The following PHEX variants were observed in gnomAD, a reference collection of about 807,000 sequenced individuals.
PHEX encodes phosphate-regulating neutral endopeptidase PHEX.
In PHEX, 16 loss-of-function variants were observed where a neutral mutation model predicts 68.0. That is an observed-to-expected ratio of 0.24 (90% CI 0.16 to 0.36). The LOEUF is 0.36. Ranked by LOEUF, PHEX falls within the 10% of genes least tolerant of loss-of-function variation. The probability of loss-of-function intolerance (pLI) is 1.00; values close to 1 mark genes in which losing one functional copy is unlikely to be tolerated. For synonymous variants in PHEX, 208 were observed against 205.1 expected, an observed-to-expected ratio of 1.01 and a Z score of -0.12; for missense variants, 480 against 575.5, an observed-to-expected ratio of 0.83 and a Z score of 1.70.
chrX:22,055,998 C>T (rs773221813), intron 3 of PHEX, among the ~76,000 whole-genome samples: 3 of 112,226 alleles, frequency 2.7e-5, no homozygotes, highest in Non-Finnish European at 3.8e-5. Context: ...CTGTCATTAG[C>T]GGTTTCTACT....
At chrX:22,193,248 TAAA>T (rs1277774185) in intron 15 of PHEX, among the ~76,000 whole-genome samples, 1 of 111,130 alleles carries the variant, frequency 9.0e-6, no homozygotes, top group African/African-American at 3.3e-5. Flanking sequence ...ATTATTCACT[TAAA>T]AACGTTTTAT....
rs1936445507 is a variant in PHEX at position 22,248,085 on chromosome X, AC to A, written c.*134del. 7.7e-6 allele frequency: 4 copies of A among 520,855 alleles called. No homozygotes were observed. The highest frequency in any genetic ancestry group is 1.4e-5 in the Non-Finnish European group (4 of 290,389). 42.9% of individuals were successfully genotyped at this position (520,855 alleles called of 1,213,427 possible). A position where few individuals can be genotyped will look rare whatever the true frequency, so the allele number is the denominator to read the frequency against. On this transcript the variant is annotated 3_prime_UTR_variant, in exon 22 of 22. Coordinates refer to ENST00000379374, the MANE Select transcript of PHEX (RefSeq NM_000444.6). ...TGCATTTTCATTATTTGGGTAGGTG[AC>A]CTGCTTGGATCTAGACAGCATCTGT...
intron 12 of PHEX, among the ~76,000 whole-genome samples, chrX:22,166,655 CCCTT>C (rs1933331103): frequency 9.0e-6 from 1 of 110,979 alleles, no homozygotes; most frequent in Non-Finnish European, 1.9e-5. Context: ...AAAATCTACT[CCCTT>C]AGCCATTTTC....
intron 1 of PHEX, among the ~76,000 whole-genome samples, chrX:22,036,931 A>T (rs1007743267): frequency 5.5e-5 from 6 of 108,237 alleles, no homozygotes; most frequent in Admixed American, 5.0e-4. Flanking sequence ...CCCCATCTCC[A>T]CTAAAAAATA....
chrX:22,240,946 A>T (rs1479358074), intron 20 of PHEX, among the ~76,000 whole-genome samples: 1 of 112,301 alleles, frequency 8.9e-6, no homozygotes, highest in African/African-American at 3.2e-5. Flanking sequence ...AGAACTGTCC[A>T]TCCCAAATCA....
intron 20 of PHEX, among the ~76,000 whole-genome samples, chrX:22,234,090 A>G (rs1422474177): frequency 8.9e-6 from 1 of 112,393 alleles, no homozygotes; most frequent in Non-Finnish European, 1.9e-5. Flanking sequence ...TGCACTCCAG[A>G]CTCTGTTTAC....
intron 3 of PHEX, among the ~76,000 whole-genome samples, chrX:22,075,285 CTTTTT>C (rs1164944990): frequency 1.6e-5 from 1 of 62,351 alleles, no homozygotes; most frequent in African/African-American, 6.0e-5. Context: ...CTCTGGGTTG[CTTTTT>C]TTTTTTTTTT....
intron 3 of PHEX, among the ~76,000 whole-genome samples, chrX:22,051,066 T>G (rs1927808829): frequency 8.9e-6 from 1 of 111,768 alleles, no homozygotes; most frequent in Admixed American, 9.6e-5. Flanking sequence ...CTATATGTGT[T>G]TCTATGCTCT....
At chrX:22,231,877 A>ATCTT (rs1459018078) in intron 20 of PHEX, among the ~76,000 whole-genome samples, 1 of 111,706 alleles carries the variant, frequency 9.0e-6, no homozygotes, top group African/African-American at 3.3e-5. Flanking sequence ...TCAATTTTAG[A>ATCTT]TCTTTCCTGC....
At chrX:22,084,166 ATTTAT>A (rs1929513468) in intron 5 of PHEX, among the ~76,000 whole-genome samples, 1 of 111,538 alleles carries the variant, frequency 9.0e-6, no homozygotes, top group Non-Finnish European at 1.9e-5. Context: ...TTTCCATTTA[ATTTAT>A]TTTTTTTGAG....
chrX:22,239,509 C>T (rs1011906831), intron 20 of PHEX, among the ~76,000 whole-genome samples: 4 of 110,712 alleles, frequency 3.6e-5, no homozygotes, highest in Admixed American at 1.9e-4. Context: ...GTTAGAGGAA[C>T]TGCTAACTAG....
At chrX:22,088,642 ATTGAG>A (rs1247604240) in intron 5 of PHEX, among the ~76,000 whole-genome samples, 1 of 111,380 alleles carries the variant, frequency 9.0e-6, no homozygotes, top group Non-Finnish European at 1.9e-5. Flanking sequence ...TCAATTTTAA[ATTGAG>A]TTGTTTCTTT....
At chrX:22,130,561 A>C (rs1465644565) in intron 11 of PHEX, among the ~76,000 whole-genome samples, 1 of 108,665 alleles carries the variant, frequency 9.2e-6, no homozygotes. Flanking sequence ...AAAAAAAAAA[A>C]AAAAAAAAAA....
At chrX:22,115,863 G>C (rs1931212720) in intron 11 of PHEX, among the ~76,000 whole-genome samples, 1 of 112,222 alleles carries the variant, frequency 8.9e-6, no homozygotes, top group African/African-American at 3.2e-5. Context: ...TCCATTGAAG[G>C]GTATTTAGGT....
chrX:22,038,469 T>C lies in PHEX; in HGVS notation c.119T>C (p.Val40Ala). 2 of 1,186,293 alleles carry C rather than the reference T, an allele frequency of 1.7e-6. No homozygotes were observed. The highest frequency in any genetic ancestry group is 5.9e-5 in the East Asian group (2 of 33,714). Reference sequence around the variant, plus strand: ...CATTTATTGTGGTCTGTTTTTTCAGTGAGTCAAGGTCTCTTAAGTCTCCAA... The same window carrying C: ...CATTTATTGTGGTCTGTTTTTTCAGCGAGTCAAGGTCTCTTAAGTCTCCAA... ...TLVLGTILFL[V>A]SQGLLSLQAK... The change falls in exon 2 of 22, where the codon GTG (valine) becomes GCG (alanine). Residue 40 changes from valine to alanine, a missense_variant and splice_region_variant. Transcript: ENST00000379374.
intron 9 of PHEX, among the ~76,000 whole-genome samples, chrX:22,100,286 G>A (rs7056553): frequency 0.059 from 6,616 of 111,547 alleles, 277 homozygotes; most frequent in African/African-American, 0.14. Context: ...AGTAGAGCTG[G>A]AGGGGAGGCC....
intron 15 of PHEX, among the ~76,000 whole-genome samples, chrX:22,206,199 T>C (rs992317198): frequency 8.9e-6 from 1 of 112,062 alleles, no homozygotes; most frequent in Non-Finnish European, 1.9e-5. Flanking sequence ...GTATCTTAGA[T>C]CTGGTACTGA....
intron 20 of PHEX, among the ~76,000 whole-genome samples, chrX:22,243,029 T>C (rs1246340810): frequency 8.9e-6 from 1 of 111,813 alleles, no homozygotes; most frequent in Non-Finnish European, 1.9e-5. Context: ...GACTTTAAAC[T>C]TTACTGCAAG....
chrX:22,169,209 T>C (rs953441169), intron 13 of PHEX, among the ~76,000 whole-genome samples: 12 of 112,137 alleles, frequency 1.1e-4, no homozygotes, highest in African/African-American at 3.9e-4. Context: ...ATCAAAATTT[T>C]ACAAGACTAT....
Sources: allele counts gnomAD v4.1 joint callset (sites outside exome capture counted in the v4.1 genomes callset), GRCh38; gene constraint gnomAD v4.1.1; transcripts MANE v1.5; gene names NCBI Gene and HGNC (gene_info 2026-07-23, HGNC 2026-07-21).